GNAT3: variants seen among roughly 807,000 people sequenced by gnomAD.
GNAT3 encodes the protein guanine nucleotide-binding protein G(t) subunit alpha-3.
In GNAT3, 31 loss-of-function variants were observed where a neutral mutation model predicts 37.7. The observed-to-expected ratio is 0.82, with a 90% CI of 0.62 to 1.11. GNAT3 has a LOEUF of 1.11. Among genes scored for constraint, GNAT3 ranks in the 50% most tolerant of loss-of-function variants. The pLI, the probability that GNAT3 is intolerant of heterozygous loss-of-function variation, is 0.00. For missense variants in GNAT3, 437 were observed against 412.5 expected, an observed-to-expected ratio of 1.06 and a Z score of -0.51; for synonymous variants, 138 against 139.8, an observed-to-expected ratio of 0.99 and a Z score of 0.09.
chr7:80,467,543 C>G (rs528737974), intron 5 of GNAT3, among the ~76,000 whole-genome samples: 1 of 152,100 alleles, frequency 6.6e-6, no homozygotes, highest in South Asian at 2.1e-4. Context: ...TCATACTTTT[C>G]AGTTTTAGCT....
intron 2 of GNAT3, among the ~76,000 whole-genome samples, chr7:80,490,524 G>A (rs1164985322): frequency 1.3e-5 from 2 of 152,148 alleles, no homozygotes; most frequent in African/African-American, 4.8e-5. Context: ...CATCCCGGAA[G>A]CAGTGATAAT....
intron 1 of GNAT3, among the ~76,000 whole-genome samples, chr7:80,500,271 G>A (rs1021439665): frequency 6.6e-6 from 1 of 150,534 alleles, no homozygotes; most frequent in African/African-American, 2.5e-5. Context: ...GGTAATTAAA[G>A]TTTTTCTACT....
chr7:80,474,489 A>G (rs975422975), intron 4 of GNAT3, 110 bp from the exon 5 acceptor site: 1 of 395,428 alleles, frequency 2.5e-6, no homozygotes, highest in Non-Finnish European at 4.3e-6. Context: ...ATATATATAT[A>G]TTTTTAACTT....
intron 2 of GNAT3, among the ~76,000 whole-genome samples, chr7:80,491,153 A>C (rs1790584313): frequency 6.6e-6 from 1 of 152,190 alleles, no homozygotes; most frequent in African/African-American, 2.4e-5. Flanking sequence ...GTCAGAAATG[A>C]TGACCAATGG....
intron 1 of GNAT3, among the ~76,000 whole-genome samples, chr7:80,497,248 G>A (rs556617052): frequency 1.6e-4 from 24 of 152,144 alleles, no homozygotes; most frequent in Admixed American, 3.9e-4. Flanking sequence ...CCCATTTTCC[G>A]AAGACAACTG....
chr7:80,490,184 C>A (rs1043818910), intron 2 of GNAT3, among the ~76,000 whole-genome samples: 9 of 152,122 alleles, frequency 5.9e-5, no homozygotes, highest in Non-Finnish European at 8.8e-5. Context: ...AAACCATAGA[C>A]TAGAGCTCCT....
chr7:80,509,998 CTT>C (rs1412829063), intron 1 of GNAT3, among the ~76,000 whole-genome samples: 1 of 152,122 alleles, frequency 6.6e-6, no homozygotes, highest in Non-Finnish European at 1.5e-5. Flanking sequence ...CACCTACTCT[CTT>C]TACATTTTTC....
At position 80,511,884 on chromosome 7, in the gene GNAT3, T is replaced by G. The variant is rs1412483374; in HGVS notation, c.43A>C (p.Arg15=). 1 of 1,612,108 alleles carries G rather than the reference T, an allele frequency of 6.2e-7. No individual in the cohort carries two copies. Among genetic ancestry groups the G allele is most frequent in the Non-Finnish European group, 8.5e-7 (1 of 1,178,906 alleles). Residue 15 remains arginine (R), a synonymous_variant, in exon 1 of 8, where the codon AGA becomes CGA. Transcript: ENST00000398291. ...ISSESKESAK[R]SKELEKKLQE... ...AGCTTTTTCTCCAGTTCTTTTGATC[T>G]TTTGGCTGACTCCTTGCTCTCTGAA...
Position 80,462,402 on chromosome 7 carries a change from A to G in GNAT3, c.721-90T>C. Reference sequence around the variant, plus strand: ...ATGAACAAGGATCTAGAACTAACATAAATCTTTGGCAAACCTTCATGAGTT... The same window carrying G: ...ATGAACAAGGATCTAGAACTAACATGAATCTTTGGCAAACCTTCATGAGTT... On this transcript the variant is annotated intron_variant, in intron 6 of 7. Transcript: ENST00000398291. The G allele has an allele frequency of 3.2e-6, 5 of 1,554,558 alleles. No homozygotes were observed. In the South Asian group the frequency reaches 5.7e-5, roughly 18 times the overall value.
chr7:80,462,371 A>T, intron 6 of GNAT3, 59 bp from the exon 7 acceptor site: 1 of 1,565,566 alleles, frequency 6.4e-7, no homozygotes, highest in Non-Finnish European at 8.8e-7. Context: ...GTGAATGTTG[A>T]GCATCATGAA....
At position 80,474,293 on chromosome 7, in the gene GNAT3, C is replaced by T; in HGVS notation, c.548G>A (p.Gly183Glu). 1 of 1,595,712 alleles carries T rather than the reference C, an allele frequency of 6.3e-7. No homozygotes were observed. Residue 183 changes from glycine to glutamate, a missense_variant, in exon 5 of 8, where the codon GGA (glycine) becomes GAA (glutamate). Physicochemically the swap from Gly to Glu is moderately conservative, Grantham distance 98 (BLOSUM62 -2). Coordinates refer to ENST00000398291, the MANE Select transcript of GNAT3 (RefSeq NM_001102386.3). Reference sequence around the variant, plus strand: ...AAAGGAGAATTGAGTTTCAATGATTCCAGTCGTTTTCACTCGAGAATGGAG... The same window carrying T: ...AAAGGAGAATTGAGTTTCAATGATTTCAGTCGTTTTCACTCGAGAATGGAG... ...DVLHSRVKTT[G>E]IIETQFSFKD... is the part of the protein sequence containing the mutation.
intron 5 of GNAT3, among the ~76,000 whole-genome samples, chr7:80,465,389 A>G (rs1790114318): frequency 6.6e-6 from 1 of 152,126 alleles, no homozygotes; most frequent in Non-Finnish European, 1.5e-5. Flanking sequence ...AGCACCTTAC[A>G]GCAATTAACT....
At position 80,474,318 on chromosome 7, in the gene GNAT3, G is replaced by T; in HGVS notation, c.523C>A (p.Leu175Ile). ...CCAGTCGTTTTCACTCGAGAATGGA[G>T]AACATCTTGTTCATTTGGCACATAC... The part of the protein sequence containing the change: ...SGYVPNEQDV[L>I]HSRVKTTGII... Residue 175 changes from leucine (L) to isoleucine (I), a missense_variant, in exon 5 of 8, where the codon CTC (leucine) becomes ATC (isoleucine). Coordinates refer to ENST00000398291, the MANE Select transcript of GNAT3 (RefSeq NM_001102386.3). The T allele has an allele frequency of 6.3e-7, 1 of 1,574,970 alleles. No homozygotes were observed. Among genetic ancestry groups the T allele is most frequent in the East Asian group, 2.3e-5 (1 of 43,698 alleles).
intron 4 of GNAT3, 34 bp from the exon 5 acceptor site, chr7:80,474,413 T>C: frequency 9.7e-7 from 1 of 1,034,180 alleles, no homozygotes; most frequent in Non-Finnish European, 1.4e-6. Context: ...TATATGTGTA[T>C]ATATAATACA....
Position 80,488,648 on chromosome 7 carries a change from G to C in GNAT3, c.190C>G (p.Gln64Glu), listed in dbSNP as rs1320297094. ...KIIHKNGYSE[Q>E]ECMEFKAVIY... ...ACTGCTTTGAACTCCATGCATTCTT[G>C]CTCACTGTAACCATTCTTATGGATG... is the stretch of plus-strand genomic sequence containing the variant. Residue 64 changes from glutamine (Q) to glutamate (E), a missense_variant, in exon 3 of 8, where the codon CAA becomes GAA. Gln to Glu is a conservative substitution (Grantham distance 29). Transcript: ENST00000398291. 5 of 1,582,546 alleles carry C rather than the reference G, an allele frequency of 3.2e-6. No homozygotes were observed. The highest frequency in any genetic ancestry group is 3.6e-5 in the Admixed American group (2 of 56,054).
rs1790775634 is a variant in GNAT3 at position 80,498,545 on chromosome 7, T to C, written c.119-3898A>G. Among the ~76,000 whole-genome samples, 3 of 152,154 alleles carry C rather than the reference T, an allele frequency of 2.0e-5. No individual in the cohort carries two copies. In the South Asian group the frequency reaches 6.2e-4, roughly 31 times the overall value. On this transcript the variant is annotated intron_variant, in intron 1 of 7. Coordinates refer to ENST00000398291, the MANE Select transcript of GNAT3 (RefSeq NM_001102386.3). The stretch of plus-strand genomic sequence containing the variant: ...ATCTCATTTATTATTTGGAACTCTA[T>C]TGCAAAGTTATTTCAAAAATAAATT...
intron 1 of GNAT3, among the ~76,000 whole-genome samples, chr7:80,510,013 G>T (rs1490572630): frequency 6.6e-6 from 1 of 152,012 alleles, no homozygotes; most frequent in East Asian, 1.9e-4. Flanking sequence ...CATTTTTCAA[G>T]AATACAATAG....
intron 1 of GNAT3, among the ~76,000 whole-genome samples, chr7:80,510,079 T>G (rs1359998803): frequency 6.6e-6 from 1 of 152,198 alleles, no homozygotes; most frequent in Admixed American, 6.5e-5. Context: ...AATTTATTCT[T>G]CCTATTTAAC....
chr7:80,467,545 G>A (rs1409086225), intron 5 of GNAT3, among the ~76,000 whole-genome samples: 3 of 151,906 alleles, frequency 2.0e-5, no homozygotes, highest in Non-Finnish European at 2.9e-5. Flanking sequence ...ATACTTTTCA[G>A]TTTTAGCTTT....
Sources: allele counts gnomAD v4.1 joint callset (sites outside exome capture counted in the v4.1 genomes callset), GRCh38; gene constraint gnomAD v4.1.1; transcripts MANE v1.5; gene names NCBI Gene and HGNC (gene_info 2026-07-23, HGNC 2026-07-21).